Variants in ADGRB3 observed in about 807,000 individuals in gnomAD.
ADGRB3 encodes the protein adhesion G protein-coupled receptor B3, also known as brain-specific angiogenesis inhibitor 3.
A neutral mutation model predicts 193.4 loss-of-function variants in ADGRB3; 37 were observed. The ratio of observed to expected loss-of-function variants is 0.19; its 90% CI spans 0.15 to 0.25. ADGRB3 has a LOEUF of 0.25. Among genes scored for constraint, ADGRB3 ranks in the 10% least tolerant of loss-of-function variants. The probability of loss-of-function intolerance (pLI) is 1.00; values close to 1 mark genes in which losing one functional copy is unlikely to be tolerated. For missense variants in ADGRB3, 1,637 were observed against 1,852.9 expected (o/e 0.88, Z 2.14); for synonymous variants, 690 against 644.2 (o/e 1.07, Z -1.08).
At chr6:69,056,807 T>C (rs1337865045) in intron 15 of ADGRB3, among the ~76,000 whole-genome samples, 1 of 152,180 alleles carries the variant, frequency 6.6e-6, no homozygotes, top group Admixed American at 6.5e-5. Context: ...TCTATATGTC[T>C]GTCTTGACAC....
At chr6:68,804,036 T>C (rs1312967580) in intron 3 of ADGRB3, among the ~76,000 whole-genome samples, 1 of 152,210 alleles carries the variant, frequency 6.6e-6, no homozygotes, top group Non-Finnish European at 1.5e-5. Flanking sequence ...ATTGCCTGTT[T>C]CCTAGGAGCT....
intron 17 of ADGRB3, among the ~76,000 whole-genome samples, chr6:69,191,249 T>C (rs1765180875): frequency 6.6e-6 from 1 of 152,180 alleles, no homozygotes. Flanking sequence ...CATAACAGCT[T>C]GCTGCTTCTA....
chr6:68,751,789 C>T (rs939217216), intron 3 of ADGRB3, among the ~76,000 whole-genome samples: 14 of 152,186 alleles, frequency 9.2e-5, no homozygotes, highest in South Asian at 2.1e-4. Flanking sequence ...AGAACACAAA[C>T]GCAAGGGGGC....
At chr6:68,911,032 C>T (rs141169832) in intron 3 of ADGRB3, among the ~76,000 whole-genome samples, 1 of 151,724 alleles carries the variant, frequency 6.6e-6, no homozygotes, top group Non-Finnish European at 1.5e-5. Flanking sequence ...TTCTTCCTAC[C>T]CATGAGCATG....
At chr6:69,020,906 A>G (rs915644597) in intron 13 of ADGRB3, among the ~76,000 whole-genome samples, 2 of 151,996 alleles carry the variant, frequency 1.3e-5, no homozygotes, top group African/African-American at 4.8e-5. Context: ...TACTATTAAT[A>G]CTTTTTATGT....
At chr6:68,950,541 C>A (rs1419164590) in intron 6 of ADGRB3, among the ~76,000 whole-genome samples, 2 of 152,108 alleles carry the variant, frequency 1.3e-5, no homozygotes, top group East Asian at 3.9e-4. Context: ...AATTTAACCT[C>A]AAAAAGATAG....
intron 20 of ADGRB3, among the ~76,000 whole-genome samples, chr6:69,257,188 G>C (rs1017240160): frequency 6.6e-6 from 1 of 152,140 alleles, no homozygotes; most frequent in Non-Finnish European, 1.5e-5. Flanking sequence ...TCTCTGCCCA[G>C]CTTTGGTATC....
chr6:69,378,660 A>G (rs1421537011), intron 30 of ADGRB3, among the ~76,000 whole-genome samples: 1 of 152,044 alleles, frequency 6.6e-6, no homozygotes, highest in Non-Finnish European at 1.5e-5. Flanking sequence ...AACTGGGGCT[A>G]AAAGGAGATT....
intron 3 of ADGRB3, among the ~76,000 whole-genome samples, chr6:68,714,653 A>C (rs1198468658): frequency 2.0e-5 from 3 of 151,862 alleles, no homozygotes; most frequent in African/African-American, 7.2e-5. Flanking sequence ...CTTGTGAGAG[A>C]ATAAATTTTA....
rs555163043 is a variant in ADGRB3, at chr6:68,765,702, C to T, written c.757+126270C>T. On this transcript the variant is annotated intron_variant, in intron 3 of 31. Transcript: ENST00000370598. ...TTTGAAAAGCTTATAATTTTATTCC[C>T]ATGTGATACTATGCCTAGTCCTAAG... Among the ~76,000 whole-genome samples the T allele has an allele frequency of 1.4e-4, 21 of 151,948 alleles. No homozygotes were observed. In the South Asian group the frequency reaches 3.7e-3, roughly 27 times the overall value.
At position 69,124,010 on chromosome 6, in the gene ADGRB3, T is replaced by C. The variant is rs142177649; in HGVS notation, c.2480+47972T>C. Among the ~76,000 whole-genome samples the C allele has an allele frequency of 4.5e-4, 68 of 152,256 alleles. 1 individual carries two copies. Among genetic ancestry groups the C allele is most frequent in the African/African-American group, 1.5e-3 (64 of 41,556 alleles). On this transcript the variant is annotated intron_variant, in intron 17 of 31. Coordinates refer to ENST00000370598, the MANE Select transcript of ADGRB3 (RefSeq NM_001704.3). Reference sequence around the variant, plus strand: ...ACTTAATTAATACCTTACCTGAAAATACACTTGTAGGATGAAATTATCCTT... The same window carrying C: ...ACTTAATTAATACCTTACCTGAAAACACACTTGTAGGATGAAATTATCCTT...
intron 20 of ADGRB3, among the ~76,000 whole-genome samples, chr6:69,298,103 A>G (rs913177117): frequency 3.3e-5 from 5 of 152,122 alleles, no homozygotes; most frequent in Non-Finnish European, 7.4e-5. Flanking sequence ...AACACTTGTT[A>G]AAGATGGCAA....
At position 69,163,658 on chromosome 6, in the gene ADGRB3, T is replaced by C. The variant is rs542212842; in HGVS notation, c.2481-69632T>C. ...CAGGTAGGTGCCAGTCACCAAGATT[T>C]TCTAGGGATAGATTAAGAAGCTGGT... On this transcript the variant is annotated intron_variant, in intron 17 of 31. Coordinates refer to ENST00000370598, the MANE Select transcript of ADGRB3 (RefSeq NM_001704.3). Among the ~76,000 whole-genome samples the C allele has an allele frequency of 3.9e-5, 6 of 152,208 alleles. No homozygotes were observed. The East Asian group carries it at 1.2e-3, about 29-fold the overall frequency.
At chr6:68,683,043 C>T (rs544360518) in intron 3 of ADGRB3, among the ~76,000 whole-genome samples, 1 of 152,066 alleles carries the variant, frequency 6.6e-6, no homozygotes, top group South Asian at 2.1e-4. Context: ...CCTTGGCCTC[C>T]CAAAGTGCTG....
chr6:68,789,951 T>C (rs537762553), intron 3 of ADGRB3, among the ~76,000 whole-genome samples: 1 of 152,354 alleles, frequency 6.6e-6, no homozygotes. Context: ...GCATCGGCTA[T>C]TGAGGCTTCT....
Position 68,642,783 on chromosome 6 carries a change from CTT to C in ADGRB3, c.757+3352_757+3353del, listed in dbSNP as rs536499088. Among the ~76,000 whole-genome samples, 3 of 147,766 alleles carry C rather than the reference CTT, an allele frequency of 2.0e-5. No individual in the cohort carries two copies. In the South Asian group the frequency reaches 6.4e-4, roughly 31 times the overall value. Reference sequence around the variant, plus strand: ...ATTTCAGGCAGCTTTTTAAAAACCTCTTAACATATAATGGCTATAACTTAAAA... The same window carrying C: ...ATTTCAGGCAGCTTTTTAAAAACCTCAACATATAATGGCTATAACTTAAAA... On this transcript the variant is annotated intron_variant, in intron 3 of 31. Transcript: ENST00000370598.
At chr6:69,351,835 A>G (rs754986025) in intron 26 of ADGRB3, among the ~76,000 whole-genome samples, 1 of 152,228 alleles carries the variant, frequency 6.6e-6, no homozygotes, top group Non-Finnish European at 1.5e-5. Context: ...ATTGGTAACT[A>G]TGCTTTGAAG....
rs531464807 is a variant in ADGRB3, at chr6:69,273,004, G to A, written c.2814+33778G>A. 9.9e-5 allele frequency among the ~76,000 whole-genome samples: 15 copies of A among 152,202 alleles called. No homozygotes were observed. The South Asian group carries it at 2.1e-3, about 21-fold the overall frequency. On this transcript the variant is annotated intron_variant, in intron 20 of 31. Coordinates refer to ENST00000370598, the MANE Select transcript of ADGRB3 (RefSeq NM_001704.3). ...CAACCTCCATTTCCCAAGTTCAAGCGATTCTCCTGCCTCAGCCTCCCGAGT... is the reference window on the plus strand; with the variant it reads ...CAACCTCCATTTCCCAAGTTCAAGCAATTCTCCTGCCTCAGCCTCCCGAGT...
intron 13 of ADGRB3, among the ~76,000 whole-genome samples, chr6:69,026,956 A>G (rs1265583267): frequency 6.6e-6 from 1 of 152,220 alleles, no homozygotes; most frequent in Non-Finnish European, 1.5e-5. Context: ...GTAGGAAATT[A>G]CTATTCACTG....
Sources: allele counts gnomAD v4.1 joint callset (sites outside exome capture counted in the v4.1 genomes callset), GRCh38; gene constraint gnomAD v4.1.1; transcripts MANE v1.5; gene names NCBI Gene and HGNC (gene_info 2026-07-23, HGNC 2026-07-21).